The following DNAH17 variants were observed in gnomAD, a reference collection of about 807,000 sequenced individuals.
DNAH17 encodes axonemal beta dynein heavy chain 17.
Under a neutral mutation model 485.6 loss-of-function variants are expected in DNAH17, and 376 were observed. The observed-to-expected ratio is 0.77, with a 90% CI of 0.71 to 0.84. DNAH17 has a LOEUF of 0.84. DNAH17 is among the 40% of genes least tolerant of loss of function. DNAH17 has a pLI of 0.00. For synonymous variants in DNAH17, 3,031 were observed against 2,405.9 expected (o/e 1.26, Z -7.60); for missense variants, 6,370 against 5,839.3 (o/e 1.09, Z -2.96).
chr17:78,517,507 C>T (rs74001394), intron 25 of DNAH17, among the ~76,000 whole-genome samples: 4 of 152,234 alleles, frequency 2.6e-5, no homozygotes, highest in African/African-American at 9.6e-5. Context: ...AGTCCAGCCT[C>T]CCTTCACACA....
chr17:78,567,362 G>A (rs959543870), intron 9 of DNAH17, among the ~76,000 whole-genome samples, 196 bp from the exon 10 acceptor site: 2 of 152,204 alleles, frequency 1.3e-5, no homozygotes, highest in Admixed American at 6.5e-5. Flanking sequence ...TGCAGAAAGA[G>A]GGGATGGAAG....
chr17:78,571,818 C>T (rs372780252), intron 3 of DNAH17, 36 bp from the exon 4 acceptor site: 268 of 1,537,538 alleles, frequency 1.7e-4, no homozygotes, highest in African/African-American at 1.6e-3. Flanking sequence ...GCTCTCATGG[C>T]GACACACACG....
chr17:78,544,286 T>C (rs907267367), intron 16 of DNAH17, among the ~76,000 whole-genome samples: 5 of 152,184 alleles, frequency 3.3e-5, no homozygotes, highest in African/African-American at 1.2e-4. Flanking sequence ...GGGGTCACTC[T>C]CAGGAAAGGA....
intron 5 of DNAH17, 105 bp from the exon 6 acceptor site, chr17:78,571,138 G>A (rs963886174): frequency 7.0e-6 from 9 of 1,294,640 alleles, no homozygotes; most frequent in African/African-American, 3.0e-5. Flanking sequence ...CAGGAAATGG[G>A]GCCTTTCTCA....
intron 14 of DNAH17, among the ~76,000 whole-genome samples, chr17:78,554,473 G>GAAAAAAAAAAAAAT (rs1568246690): frequency 8.0e-6 from 1 of 124,752 alleles, no homozygotes; most frequent in Non-Finnish European, 1.6e-5. Flanking sequence ...AAAAAAAAAG[G>GAAAAAAAAAAAAAT]ATAGGTTCTA....
intron 16 of DNAH17, among the ~76,000 whole-genome samples, chr17:78,546,708 C>T (rs2143516736): frequency 6.6e-6 from 1 of 152,294 alleles, no homozygotes; most frequent in South Asian, 2.1e-4. Flanking sequence ...GAATTTGAGA[C>T]CTGCCTGAAC....
intron 72 of DNAH17, among the ~76,000 whole-genome samples, chr17:78,440,291 C>T (rs964448674): frequency 1.1e-4 from 13 of 114,652 alleles, no homozygotes; most frequent in African/African-American, 3.0e-4. Flanking sequence ...GGGTCTTACT[C>T]GGTCGCCCAG....
chr17:78,472,504 C>A (rs1488966887), intron 54 of DNAH17, among the ~76,000 whole-genome samples: 1 of 152,144 alleles, frequency 6.6e-6, no homozygotes, highest in East Asian at 1.9e-4. Context: ...GCCGCTGAGA[C>A]CACGGCCCCT....
intron 42 of DNAH17, among the ~76,000 whole-genome samples, chr17:78,492,286 AG>A (rs1019149004): frequency 9.9e-5 from 15 of 151,946 alleles, no homozygotes; most frequent in African/African-American, 3.6e-4. Context: ...GACTGAGGCC[AG>A]GGCTCCCCGG....
chr17:78,536,990 ACG>A (rs1308945092), intron 19 of DNAH17, among the ~76,000 whole-genome samples: 1 of 151,962 alleles, frequency 6.6e-6, no homozygotes, highest in Non-Finnish European at 1.5e-5. Context: ...CCTGGCTAAC[ACG>A]GTTAAACCCA....
At chr17:78,424,301 C>T (rs2086298132) in intron 80 of DNAH17, 148 bp from the exon 81 acceptor site, 2 of 988,112 alleles carry the variant, frequency 2.0e-6, no homozygotes, top group Non-Finnish European at 2.9e-6. Context: ...CGGCTGGAAG[C>T]AGAGGCCTTC....
Position 78,461,628 on chromosome 17 carries a change from C to G in DNAH17, c.9255G>C (p.Gln3085His), listed in dbSNP as rs923142957. The G allele has an allele frequency of 2.5e-6, 4 of 1,611,584 alleles. No homozygotes were observed. Among genetic ancestry groups the G allele is most frequent in the Non-Finnish European group, 3.4e-6 (4 of 1,179,134 alleles). Residue 3085 changes from glutamine (Q) to histidine (H), a missense_variant, in exon 58 of 81, where the codon CAG (glutamine) becomes CAC (histidine). Physicochemically the swap from Gln to His is conservative, Grantham distance 24. Coordinates refer to ENST00000389840, the MANE Select transcript of DNAH17 (RefSeq NM_173628.4). ...CCTTCTCGGCCTCGATGCCGACCAC[C>G]TGGATCAGTTGGTCTGCGCTCTCAT... is the stretch of plus-strand genomic sequence containing the variant. ...QKNESADQLI[Q>H]VVGIEAEKVS... is the part of the protein sequence containing the mutation.
At chr17:78,444,939 G>T in intron 70 of DNAH17, 142 bp from the exon 71 acceptor site, 1 of 838,256 alleles carries the variant, frequency 1.2e-6, no homozygotes, top group Non-Finnish European at 1.7e-6. Flanking sequence ...CGAGAGGCTG[G>T]CCACCAAAGC....
rs191671945 is a variant in DNAH17 at position 78,424,112 on chromosome 17, G to A, written c.13183C>T (p.Arg4395Trp). The A allele has an allele frequency of 4.1e-4, 667 of 1,613,604 alleles. 3 individuals are homozygous for A. In the East Asian group the frequency reaches 0.011, roughly 26 times the overall value. The part of the protein sequence containing the change: ...DTQTGVIAEA[R>W]LKELTPAMPV... ...ATGGCCGGGGTCAGCTCTTTCAGCC[G>A]CGCTTCAGCGATGACTCCAGTCTGG... The change falls in exon 81 of 81, where the codon CGG (arginine) becomes TGG (tryptophan). Residue 4395 changes from arginine (R) to tryptophan (W), a missense_variant. Transcript: ENST00000389840.
At chr17:78,539,438 C>A (rs2091463711) in intron 18 of DNAH17, among the ~76,000 whole-genome samples, 1 of 152,068 alleles carries the variant, frequency 6.6e-6, no homozygotes, top group South Asian at 2.1e-4. Flanking sequence ...GCAGTGGTGT[C>A]CACTTTCCTT....
At position 78,437,681 on chromosome 17, in the gene DNAH17, A is replaced by G. The variant is rs1356119743; in HGVS notation, c.11993T>C (p.Met3998Thr). 6.2e-7 allele frequency: 1 copy of G among 1,611,760 alleles called. No individual in the cohort carries two copies. The highest frequency in any genetic ancestry group is 8.5e-7 in the Non-Finnish European group (1 of 1,179,328). The change falls in exon 74 of 81, where the codon ATG (methionine) becomes ACG (threonine). Residue 3998 changes from methionine to threonine, a missense_variant. By Grantham distance (81) the Met-to-Thr change is moderately conservative. Transcript: ENST00000389840. Reference sequence around the variant, plus strand: ...CAGGGCCTTGTGCAAGTTGGCGTGCATGCCCGTGGGGGGCTCGTTGGTGAT... The same window carrying G: ...CAGGGCCTTGTGCAAGTTGGCGTGCGTGCCCGTGGGGGGCTCGTTGGTGAT... ...IKITNEPPTG[M>T]HANLHKALDL...
intron 31 of DNAH17, among the ~76,000 whole-genome samples, chr17:78,504,966 C>T (rs1173484125): frequency 8.0e-6 from 1 of 124,706 alleles, no homozygotes; most frequent in Non-Finnish European, 1.6e-5. Flanking sequence ...AGTGCAGTGG[C>T]GCGATCTTGG....
chr17:78,568,170 A>G (rs8066349), intron 9 of DNAH17, among the ~76,000 whole-genome samples: 62,406 of 151,920 alleles, frequency 0.41, 13,283 homozygotes, highest in African/African-American at 0.5. Flanking sequence ...GTCCCTTCCT[A>G]CCCAGAATCT....
At chr17:78,464,166 C>T (rs1432205864) in intron 56 of DNAH17, among the ~76,000 whole-genome samples, 2 of 152,194 alleles carry the variant, frequency 1.3e-5, no homozygotes, top group Non-Finnish European at 2.9e-5. Flanking sequence ...GGCTGCTCAT[C>T]CCCCCTACTG....
Sources: gnomAD v4.1 joint callset for allele counts (sites outside exome capture counted in the v4.1 genomes callset) on GRCh38, gnomAD v4.1.1 for gene constraint, MANE v1.5 for transcripts, NCBI Gene and HGNC (gene_info 2026-07-23, HGNC 2026-07-21) for gene names.